The following PRELID2 variants were observed in gnomAD, a reference collection of about 807,000 sequenced individuals.
The protein encoded by PRELID2 is PRELI domain containing 2.
In PRELID2, 25 loss-of-function variants were observed where a neutral mutation model predicts 28.4. The ratio of observed to expected loss-of-function variants is 0.88; its 90% CI spans 0.64 to 1.23. PRELID2 has a LOEUF of 1.23. Among genes scored for constraint, PRELID2 ranks in the 50% most tolerant of loss-of-function variants. The pLI is 0.00. For synonymous variants in PRELID2, 76 were observed against 71.6 expected (o/e 1.06, Z -0.31); for missense variants, 201 against 214.4 (o/e 0.94, Z 0.39).
the PRELID2 span, among the ~76,000 whole-genome samples, chr5:145,405,898 G>T: frequency 6.6e-6 from 1 of 151,604 alleles, no homozygotes; most frequent in African/African-American, 2.4e-5. Flanking sequence ...GTAGAGACGG[G>T]GTTTCACCGT....
At chr5:145,657,079 A>G (rs576430510) in intron 1 of PRELID2, among the ~76,000 whole-genome samples, 130 of 152,232 alleles carry the variant, frequency 8.5e-4, no homozygotes, top group African/African-American at 3.1e-3. Flanking sequence ...TAGAAATAAG[A>G]AAGTATTCAT....
intron 5 of PRELID2, among the ~76,000 whole-genome samples, chr5:145,772,098 C>T (rs1304402172): frequency 6.6e-6 from 1 of 152,126 alleles, no homozygotes; most frequent in Non-Finnish European, 1.5e-5. Flanking sequence ...TGGAATAACA[C>T]CTAATAATAA....
chr5:145,478,562 G>T (rs1440537645), intron 1 of PRELID2, among the ~76,000 whole-genome samples: 5 of 151,124 alleles, frequency 3.3e-5, no homozygotes, highest in Non-Finnish European at 5.9e-5. Flanking sequence ...AAAAAATAAA[G>T]AAAAAGAAAA....
chr5:145,311,275 G>C, the PRELID2 span, among the ~76,000 whole-genome samples: 2 of 152,198 alleles, frequency 1.3e-5, no homozygotes, highest in African/African-American at 4.8e-5. Context: ...AGGTGCTAGA[G>C]TGCAGCTCGC....
intron 2 of PRELID2, among the ~76,000 whole-genome samples, chr5:145,820,422 C>T (rs972508553): frequency 3.3e-5 from 5 of 151,240 alleles, no homozygotes; most frequent in African/African-American, 9.8e-5. Flanking sequence ...CACAACCGTT[C>T]GCTGCTCTGG....
chr5:145,414,825 T>C, the PRELID2 span, among the ~76,000 whole-genome samples: 4 of 152,200 alleles, frequency 2.6e-5, no homozygotes, highest in South Asian at 8.3e-4. Flanking sequence ...TGCAGCACAA[T>C]GGCATAGGCA....
Position 145,764,974 on chromosome 5 carries a change from T to TA in PRELID2, c.500dup (p.Glu169GlyfsTer9). On this transcript the variant is annotated frameshift_variant, in exon 6 of 7. Coordinates refer to ENST00000683046, the MANE Select transcript of PRELID2 (RefSeq NM_205846.3). LOFTEE classifies it high-confidence loss of function. Reference sequence around the variant, plus strand: ...CTAAGGGGGCACCACACTGTTCCTTTAGCAGCATCTCCATGATTCTAATTC... The same window carrying TA: ...CTAAGGGGGCACCACACTGTTCCTTTAAGCAGCATCTCCATGATTCTAATTC... 1.9e-6 allele frequency: 3 copies of TA among 1,610,940 alleles called. No individual in the cohort carries two copies. Among genetic ancestry groups the TA allele is most frequent in the Non-Finnish European group, 2.5e-6 (3 of 1,178,808 alleles).
At chr5:145,791,856 T>C (rs985267355) in intron 5 of PRELID2, among the ~76,000 whole-genome samples, 1 of 152,174 alleles carries the variant, frequency 6.6e-6, no homozygotes, top group Non-Finnish European at 1.5e-5. Flanking sequence ...GGATACGTCA[T>C]TACAGTAAAA....
chr5:145,440,705 T>G, the PRELID2 span: 12 of 152,228 alleles, frequency 7.9e-5, no homozygotes, highest in East Asian at 1.9e-4. Context: ...ACTCTATTCT[T>G]AGAGATGAGA....
chr5:145,402,976 C>G, the PRELID2 span, among the ~76,000 whole-genome samples: 2 of 152,170 alleles, frequency 1.3e-5, no homozygotes, highest in Non-Finnish European at 2.9e-5. Flanking sequence ...AAGACCAACT[C>G]CTCAGTGCTT....
chr5:145,659,104 C>A (rs764145457), intron 1 of PRELID2, among the ~76,000 whole-genome samples: 8 of 152,100 alleles, frequency 5.3e-5, no homozygotes, highest in Non-Finnish European at 7.3e-5. Flanking sequence ...AGGGAAGGGT[C>A]GGATCACACG....
At chr5:145,569,856 T>C (rs1753001985) in intron 1 of PRELID2, among the ~76,000 whole-genome samples, 2 of 152,246 alleles carry the variant, frequency 1.3e-5, no homozygotes, top group South Asian at 4.1e-4. Flanking sequence ...GTGAATTTTG[T>C]AAGTCTTTGC....
chr5:145,502,814 A>G (rs1752371480), intron 1 of PRELID2, among the ~76,000 whole-genome samples: 1 of 151,084 alleles, frequency 6.6e-6, no homozygotes, highest in African/African-American at 2.4e-5. Context: ...AAAGCAAATT[A>G]ATGATTTCCT....
At chr5:145,421,646 A>G in the PRELID2 span, among the ~76,000 whole-genome samples, 1 of 140,340 alleles carries the variant, frequency 7.1e-6, no homozygotes, top group Non-Finnish European at 1.6e-5. Flanking sequence ...TAGTCTTGCT[A>G]GCGGTCTATC....
chr5:145,663,659 C>T (rs1754535998), intron 1 of PRELID2, among the ~76,000 whole-genome samples: 1 of 152,088 alleles, frequency 6.6e-6, no homozygotes, highest in African/African-American at 2.4e-5. Flanking sequence ...ACGTGCCACA[C>T]CAGCATTAGT....
At chr5:145,266,382 C>A in the PRELID2 span, among the ~76,000 whole-genome samples, 11 of 147,142 alleles carry the variant, frequency 7.5e-5, no homozygotes, top group Non-Finnish European at 1.5e-4. Context: ...GGGCTAAGGA[C>A]ATGAATAGAC....
chr5:145,702,255 A>C (rs927962113), intron 1 of PRELID2, among the ~76,000 whole-genome samples: 1 of 152,190 alleles, frequency 6.6e-6, no homozygotes, highest in African/African-American at 2.4e-5. Flanking sequence ...TATGGTGTTC[A>C]AGCACCACTA....
chr5:145,285,964 C>T, the PRELID2 span, among the ~76,000 whole-genome samples: 1 of 152,216 alleles, frequency 6.6e-6, no homozygotes, highest in African/African-American at 2.4e-5. Flanking sequence ...GTATTTTTGG[C>T]TCTGAGCACA....
chr5:145,371,783 T>TG, the PRELID2 span, among the ~76,000 whole-genome samples: 1 of 151,796 alleles, frequency 6.6e-6, no homozygotes, highest in Admixed American at 6.6e-5. Flanking sequence ...TGTGTCTCTG[T>TG]GGGGTCAGTG....
Sources: gnomAD v4.1 joint callset for allele counts (sites outside exome capture counted in the v4.1 genomes callset) on GRCh38, gnomAD v4.1.1 for gene constraint, MANE v1.5 for transcripts, NCBI Gene and HGNC (gene_info 2026-07-23, HGNC 2026-07-21) for gene names.